MCCC1: variants seen among roughly 807,000 people sequenced by gnomAD.
MCCC1 encodes methylcrotonyl-CoA carboxylase subunit 1, also known as methylcrotonoyl-CoA carboxylase subunit alpha, mitochondrial.
MCCC1 carries 64 observed loss-of-function variants against 83.8 expected under a neutral mutation model. The ratio of observed to expected loss-of-function variants is 0.76; its 90% CI spans 0.62 to 0.94. The LOEUF is 0.94. MCCC1 is among the 40% of genes least tolerant of loss of function. MCCC1 has a pLI of 0.00. For missense variants in MCCC1, 807 were observed against 904.7 expected, an observed-to-expected ratio of 0.89 and a Z score of 1.39; for synonymous variants, 322 against 315.4, an observed-to-expected ratio of 1.02 and a Z score of -0.22.
At chr3:183,097,204 C>T (rs1718800313) in intron 1 of MCCC1, among the ~76,000 whole-genome samples, 1 of 151,842 alleles carries the variant, frequency 6.6e-6, no homozygotes, top group Non-Finnish European at 1.5e-5. Context: ...TGCGCCACTG[C>T]AGTCCGCAGT....
chr3:183,085,071 A>T (rs564029609), intron 4 of MCCC1, among the ~76,000 whole-genome samples: 1 of 152,372 alleles, frequency 6.6e-6, no homozygotes, highest in East Asian at 1.9e-4. Context: ...TTAAGTATAA[A>T]TATGACTAGA....
chr3:183,019,352 A>G (rs768227228), intron 17 of MCCC1, among the ~76,000 whole-genome samples: 3 of 152,218 alleles, frequency 2.0e-5, no homozygotes, highest in Non-Finnish European at 4.4e-5. Flanking sequence ...CCTGACCTCC[A>G]GGATGATGGT....
chr3:183,108,611 G>T (rs1376781938), intron 1 of MCCC1, among the ~76,000 whole-genome samples: 3 of 152,226 alleles, frequency 2.0e-5, no homozygotes, highest in African/African-American at 7.2e-5. Flanking sequence ...TTAACAAGAA[G>T]TAATGTTTAA....
intron 1 of MCCC1, among the ~76,000 whole-genome samples, chr3:183,105,067 G>A (rs966759309): frequency 3.9e-5 from 6 of 152,126 alleles, no homozygotes; most frequent in Admixed American, 2.0e-4. Context: ...CATGCAGGCC[G>A]GGTGTGGTGG....
chr3:183,036,582 C>T (rs1291464178), intron 13 of MCCC1, among the ~76,000 whole-genome samples: 2 of 148,048 alleles, frequency 1.4e-5, no homozygotes, highest in Admixed American at 6.8e-5. Flanking sequence ...CCCTGTTGTC[C>T]AGGCTGGAGT....
intron 4 of MCCC1, among the ~76,000 whole-genome samples, chr3:183,075,541 C>T (rs1717002428): frequency 1.0e-5 from 1 of 98,682 alleles, no homozygotes; most frequent in African/African-American, 4.2e-5. Context: ...ATGTCCTTTG[C>T]CCACTTTTTT....
rs555917805 is a variant in MCCC1 at position 183,113,829 on chromosome 3, A to G, written c.-102+1645T>C. ...TGAGGAGGGAGTTGTGGAAATCCTG[A>G]TTTTTAGCTGGTGGGTCAAAAATAC... On this transcript the variant is annotated intron_variant, in intron 1 of 17. Transcript: ENST00000492597. 1.5e-3 allele frequency among the ~76,000 whole-genome samples: 228 copies of G among 152,270 alleles called. 2 individuals are homozygous for G. The highest frequency in any genetic ancestry group is 5.0e-3 in the African/African-American group (208 of 41,546).
upstream of MCCC1, among the ~76,000 whole-genome samples, chr3:183,101,592 A>G (rs999241708): frequency 9.5e-4 from 144 of 152,198 alleles, no homozygotes; most frequent in Non-Finnish European, 1.7e-3. Context: ...AAACGCACCA[A>G]TCAGCACCCT....
intron 9 of MCCC1, among the ~76,000 whole-genome samples, chr3:183,049,818 CAAGA>C (rs1035941078): frequency 2.6e-5 from 4 of 152,174 alleles, no homozygotes; most frequent in African/African-American, 9.7e-5. Flanking sequence ...AAAACTCCTA[CAAGA>C]AAGAGAGAAC....
At chr3:183,015,921 T>G (rs1435404906) in intron 18 of MCCC1, among the ~76,000 whole-genome samples, 3 of 151,384 alleles carry the variant, frequency 2.0e-5, no homozygotes, top group Middle Eastern at 3.2e-3. Context: ...GTTTTTTTTT[T>G]TTTGTTTTTT....
chr3:183,015,586 G>A lies in MCCC1; in HGVS notation c.2050-20C>T, dbSNP rs1032527419. ...GGTATGCTGCAGAGACACATGACAG[G>A]ACAAATGATAGCTGCAATACTAATG... On this transcript the variant is annotated intron_variant, in intron 18 of 18. Coordinates refer to ENST00000265594, the MANE Select transcript of MCCC1 (RefSeq NM_020166.5). The A allele has an allele frequency of 1.2e-5, 19 of 1,613,810 alleles. No individual in the cohort carries two copies. The highest frequency in any genetic ancestry group is 1.6e-5 in the Non-Finnish European group (19 of 1,179,926).
chr3:183,108,983 G>A (rs968050340), intron 1 of MCCC1, among the ~76,000 whole-genome samples: 3 of 151,926 alleles, frequency 2.0e-5, no homozygotes, highest in African/African-American at 7.3e-5. Flanking sequence ...GGGGTTTTTT[G>A]TTTGTTTGTT....
chr3:183,102,941 T>A (rs950956543), upstream of MCCC1, among the ~76,000 whole-genome samples: 3 of 151,852 alleles, frequency 2.0e-5, no homozygotes, highest in Admixed American at 1.3e-4. Context: ...CATCCACTAC[T>A]GCACCTAGCT....
intron 17 of MCCC1, chr3:183,017,746 C>T (rs138033539): frequency 2.6e-4 from 60 of 227,212 alleles, no homozygotes; most frequent in African/African-American, 1.3e-3. Context: ...GACCTACAGC[C>T]CAAATGTACT....
intron 1 of MCCC1, among the ~76,000 whole-genome samples, chr3:183,105,023 G>A (rs1342556117): frequency 6.6e-6 from 1 of 152,184 alleles, no homozygotes; most frequent in Non-Finnish European, 1.5e-5. Context: ...GTTGGAAATA[G>A]CAAACTGATT....
chr3:183,094,048 CTTT>C (rs1301777122), intron 2 of MCCC1, among the ~76,000 whole-genome samples: 1 of 135,626 alleles, frequency 7.4e-6, no homozygotes. Context: ...TTTATTTTTA[CTTT>C]TTTTTTTTTT....
At chr3:183,078,319 C>T (rs1230524848) in intron 4 of MCCC1, among the ~76,000 whole-genome samples, 1 of 152,174 alleles carries the variant, frequency 6.6e-6, no homozygotes, top group Non-Finnish European at 1.5e-5. Context: ...CTGCACCTGG[C>T]ATAATGAGTT....
chr3:183,022,113 C>T (rs1443704051), intron 16 of MCCC1, among the ~76,000 whole-genome samples: 1 of 152,108 alleles, frequency 6.6e-6, no homozygotes, highest in Admixed American at 6.6e-5. Flanking sequence ...CCTGAGATAC[C>T]ACCACCCACT....
chr3:183,049,297 C>T (rs1714778122), intron 9 of MCCC1, among the ~76,000 whole-genome samples: 1 of 151,946 alleles, frequency 6.6e-6, no homozygotes. Context: ...AAAACCCAAA[C>T]CAGTTCCTTG....
Sources: allele counts gnomAD v4.1 joint callset (sites outside exome capture counted in the v4.1 genomes callset), GRCh38; gene constraint gnomAD v4.1.1; transcripts MANE v1.5; gene names NCBI Gene and HGNC (gene_info 2026-07-23, HGNC 2026-07-21).